Variants in SUGCT observed in about 807,000 individuals in gnomAD.
The protein encoded by SUGCT is succinyl-CoA:glutarate-CoA transferase.
In SUGCT, 41 loss-of-function variants were observed where a neutral mutation model predicts 55.0. The observed-to-expected ratio is 0.74, with a 90% CI of 0.58 to 0.97. SUGCT has a LOEUF of 0.97. Among genes scored for constraint, SUGCT ranks in the 50% least tolerant of loss-of-function variants. The probability of loss-of-function intolerance (pLI) is 0.00; values close to 1 mark genes in which losing one functional copy is unlikely to be tolerated. For missense variants in SUGCT, 568 were observed against 547.8 expected, an observed-to-expected ratio of 1.04 and a Z score of -0.37; for synonymous variants, 187 against 200.4, an observed-to-expected ratio of 0.93 and a Z score of 0.56.
chr7:40,287,205 C>T (rs1311948089), intron 8 of SUGCT, among the ~76,000 whole-genome samples: 1 of 152,038 alleles, frequency 6.6e-6, no homozygotes, highest in East Asian at 1.9e-4. Context: ...TTTTTTTAAT[C>T]TTACAACCTT....
intron 13 of SUGCT, among the ~76,000 whole-genome samples, chr7:40,849,840 C>A (rs547137913): frequency 6.6e-6 from 1 of 151,890 alleles, no homozygotes; most frequent in Non-Finnish European, 1.5e-5. Flanking sequence ...AGGTAACTTT[C>A]GACAGAGGAG....
chr7:40,404,088 C>T (rs1020950841), intron 9 of SUGCT, among the ~76,000 whole-genome samples: 1 of 152,164 alleles, frequency 6.6e-6, no homozygotes, highest in African/African-American at 2.4e-5. Context: ...GTGAAGATGA[C>T]TGGTACAGGT....
At chr7:40,838,276 G>A (rs973479172) in intron 13 of SUGCT, among the ~76,000 whole-genome samples, 3 of 152,130 alleles carry the variant, frequency 2.0e-5, no homozygotes, top group Non-Finnish European at 4.4e-5. Context: ...AGGCTTATCT[G>A]TGTTTACAGG....
At chr7:40,832,166 G>A (rs1395321668) in intron 13 of SUGCT, among the ~76,000 whole-genome samples, 1 of 152,142 alleles carries the variant, frequency 6.6e-6, no homozygotes, top group Non-Finnish European at 1.5e-5. Context: ...CATGAGATAG[G>A]TGGTGACACA....
At chr7:40,497,249 G>T (rs1202807338) in intron 12 of SUGCT, among the ~76,000 whole-genome samples, 3 of 152,072 alleles carry the variant, frequency 2.0e-5, no homozygotes, top group Non-Finnish European at 2.9e-5. Flanking sequence ...GTTTTTCTTA[G>T]AAATAAATTA....
the SUGCT span, among the ~76,000 whole-genome samples, chr7:41,005,516 C>T: frequency 3.9e-5 from 6 of 152,112 alleles, no homozygotes; most frequent in South Asian, 8.3e-4. Context: ...TCCAGCTGTT[C>T]CAAAAGCTGG....
At chr7:40,629,009 G>A (rs914165137) in intron 12 of SUGCT, among the ~76,000 whole-genome samples, 1 of 152,046 alleles carries the variant, frequency 6.6e-6, no homozygotes, top group African/African-American at 2.4e-5. Context: ...CAGCATCCTC[G>A]TTTTACAGCA....
the SUGCT span, among the ~76,000 whole-genome samples, chr7:41,010,917 C>A: frequency 6.6e-6 from 1 of 152,144 alleles, no homozygotes; most frequent in Non-Finnish European, 1.5e-5. Flanking sequence ...ATGACTGAGT[C>A]TCAAACTGAG....
At chr7:40,626,665 C>A (rs749069146) in intron 12 of SUGCT, among the ~76,000 whole-genome samples, 3 of 152,278 alleles carry the variant, frequency 2.0e-5, no homozygotes, top group Admixed American at 6.5e-5. Context: ...AACATTTTTA[C>A]AGACAATAAT....
rs540696269 is a variant in SUGCT at position 40,364,036 on chromosome 7, T to G, written c.816+47181T>G. Among the ~76,000 whole-genome samples, 8 of 150,746 alleles carry G rather than the reference T, an allele frequency of 5.3e-5. No individual in the cohort carries two copies. The East Asian group carries it at 1.4e-3, about 26-fold the overall frequency. ...ATATATATTTAGGATAGTTAGCTCT[T>G]CTTGTTGAATTGATCCCTTTACCAT... is the stretch of plus-strand genomic sequence containing the variant. On this transcript the variant is annotated intron_variant, in intron 9 of 13. Coordinates refer to ENST00000335693, the MANE Select transcript of SUGCT (RefSeq NM_001193313.2).
intron 13 of SUGCT, among the ~76,000 whole-genome samples, chr7:40,755,920 T>C (rs1160102107): frequency 2.6e-5 from 4 of 152,200 alleles, no homozygotes; most frequent in African/African-American, 7.2e-5. Context: ...ACTTTATCCA[T>C]AGTATTTTAA....
chr7:40,972,219 A>G, the SUGCT span, among the ~76,000 whole-genome samples: 4 of 152,174 alleles, frequency 2.6e-5, no homozygotes, highest in South Asian at 8.3e-4. Context: ...TCTGCACTCT[A>G]CCTTGTGTAT....
At chr7:41,002,892 C>A in the SUGCT span, among the ~76,000 whole-genome samples, 52,674 of 151,810 alleles carry the variant, frequency 0.35, 10,214 homozygotes, top group Admixed American at 0.5. Flanking sequence ...ATAATTCACG[C>A]CTTATGGGCT....
the SUGCT span, among the ~76,000 whole-genome samples, chr7:40,910,588 G>A: frequency 6.6e-6 from 1 of 152,170 alleles, no homozygotes; most frequent in African/African-American, 2.4e-5. Context: ...TATGTGTCTA[G>A]TACTGATCAA....
chr7:40,142,936 T>G (rs911149145), intron 1 of SUGCT, among the ~76,000 whole-genome samples: 2 of 152,218 alleles, frequency 1.3e-5, no homozygotes, highest in Non-Finnish European at 2.9e-5. Context: ...CCAATCTACA[T>G]TTTTATTAAT....
intron 13 of SUGCT, among the ~76,000 whole-genome samples, chr7:40,851,946 T>C (rs934276257): frequency 6.6e-6 from 1 of 152,248 alleles, no homozygotes; most frequent in Admixed American, 6.5e-5. Context: ...TCAGAGATGT[T>C]GGAATAAATA....
At chr7:40,522,847 T>A (rs1057113133) in intron 12 of SUGCT, among the ~76,000 whole-genome samples, 1 of 152,132 alleles carries the variant, frequency 6.6e-6, no homozygotes, top group African/African-American at 2.4e-5. Context: ...GGTTTCACGC[T>A]GCTATTATAG....
chr7:40,733,536 CT>C (rs1384420728), intron 12 of SUGCT, among the ~76,000 whole-genome samples: 1 of 152,160 alleles, frequency 6.6e-6, no homozygotes, highest in African/African-American at 2.4e-5. Flanking sequence ...GGACCACCAC[CT>C]TAGTGTTTTT....
At chr7:40,263,597 T>G (rs549197029) in intron 7 of SUGCT, among the ~76,000 whole-genome samples, 1 of 152,332 alleles carries the variant, frequency 6.6e-6, no homozygotes, top group South Asian at 2.1e-4. Context: ...AAGCCTTGTG[T>G]AGAGTAAGTT....
Sources: allele counts gnomAD v4.1 joint callset (sites outside exome capture counted in the v4.1 genomes callset), GRCh38; gene constraint gnomAD v4.1.1; transcripts MANE v1.5; gene names NCBI Gene and HGNC (gene_info 2026-07-23, HGNC 2026-07-21).